SLC23A2: variants seen among roughly 807,000 people sequenced by gnomAD.
The protein encoded by SLC23A2 is Na(+)/L-ascorbic acid transporter 2.
A neutral mutation model predicts 73.3 loss-of-function variants in SLC23A2; 36 were observed. That is an observed-to-expected ratio of 0.49 (90% CI 0.38 to 0.65). The LOEUF (loss-of-function observed/expected upper bound fraction) is 0.65, where lower values mean the gene tolerates loss of function less well. SLC23A2 is among the 30% of genes least tolerant of loss of function. The pLI is 0.00. For missense variants in SLC23A2, 507 were observed against 841.6 expected, an observed-to-expected ratio of 0.60 and a Z score of 4.92; for synonymous variants, 343 against 327.3, an observed-to-expected ratio of 1.05 and a Z score of -0.52.
intron 1 of SLC23A2, chr20:5,010,143 G>A (rs1435535251): frequency 6.6e-6 from 1 of 151,822 alleles, no homozygotes; most frequent in Non-Finnish European, 1.5e-5. Flanking sequence ...TTTATTGCAG[G>A]AATTAGCTCA....
Position 4,902,683 on chromosome 20 carries a change from T to C in SLC23A2, c.208-125A>G. 1 of 561,698 alleles carries C rather than the reference T, an allele frequency of 1.8e-6. No individual in the cohort carries two copies. The highest frequency in any genetic ancestry group is 3.0e-5 in the East Asian group (1 of 32,964). The allele number at this position is 561,698 out of a possible 1,614,324, so 34.8% of individuals were successfully genotyped here. On this transcript the variant is annotated intron_variant, in intron 4 of 16. Transcript: ENST00000338244. The surrounding 1 kb of genome is among the most constrained non-coding windows in gnomAD (Gnocchi z 4.0). Reference sequence around the variant, plus strand: ...AGTGGTTGCCATCTTCCTGCAGTTTTGAGCCTTGGCTATCTTTGAAGCCAA... The same window carrying C: ...AGTGGTTGCCATCTTCCTGCAGTTTCGAGCCTTGGCTATCTTTGAAGCCAA...
chr20:4,870,635 C>T (rs1251072747), intron 11 of SLC23A2, among the ~76,000 whole-genome samples: 1 of 151,968 alleles, frequency 6.6e-6, no homozygotes, highest in African/African-American at 2.4e-5. Flanking sequence ...GCTGTAACTT[C>T]TCTTTCCTGC....
At chr20:4,858,046 C>G (rs1202843742) in intron 16 of SLC23A2, among the ~76,000 whole-genome samples, 1 of 152,162 alleles carries the variant, frequency 6.6e-6, no homozygotes. Context: ...GTTTGCAAAA[C>G]AGGGCTGAAT....
chr20:4,901,089 C>G (rs193141521), intron 5 of SLC23A2, among the ~76,000 whole-genome samples: 5 of 152,260 alleles, frequency 3.3e-5, no homozygotes, highest in Admixed American at 2.6e-4. Context: ...GATAAACATT[C>G]CAAAAAGTGT....
At chr20:4,958,853 T>C (rs2087334090) in intron 2 of SLC23A2, among the ~76,000 whole-genome samples, 1 of 152,066 alleles carries the variant, frequency 6.6e-6, no homozygotes, top group Non-Finnish European at 1.5e-5. Flanking sequence ...AGGGCAAAAA[T>C]CAATTACTTT....
At chr20:4,882,775 A>G (rs2122826846) in intron 9 of SLC23A2, among the ~76,000 whole-genome samples, 1 of 152,362 alleles carries the variant, frequency 6.6e-6, no homozygotes, top group African/African-American at 2.4e-5. Flanking sequence ...ATAGTAAAAG[A>G]TCAATAAATA....
intron 6 of SLC23A2, among the ~76,000 whole-genome samples, chr20:4,891,630 C>T (rs1017118513): frequency 6.6e-6 from 1 of 152,246 alleles, no homozygotes; most frequent in Non-Finnish European, 1.5e-5. Flanking sequence ...CTGTCCAGCC[C>T]TTGCTCGCTG....
At chr20:4,931,845 A>C (rs562629958) in intron 3 of SLC23A2, among the ~76,000 whole-genome samples, 1 of 152,238 alleles carries the variant, frequency 6.6e-6, no homozygotes. Flanking sequence ...TATTAAGAGG[A>C]AAACATCTTG....
chr20:4,971,769 A>G (rs1475163833), intron 1 of SLC23A2, among the ~76,000 whole-genome samples: 6 of 152,196 alleles, frequency 3.9e-5, no homozygotes. Flanking sequence ...CTTGGGCAAC[A>G]GAGCAACACG....
At chr20:4,987,360 C>T (rs931009518) in intron 1 of SLC23A2, among the ~76,000 whole-genome samples, 2 of 152,122 alleles carry the variant, frequency 1.3e-5, no homozygotes, top group Admixed American at 1.3e-4. Flanking sequence ...ACAGCCGGGG[C>T]TAAAACAGAA....
intron 1 of SLC23A2, among the ~76,000 whole-genome samples, chr20:4,997,787 C>A (rs1490409431): frequency 7.6e-6 from 1 of 131,060 alleles, no homozygotes; most frequent in South Asian, 2.4e-4. Context: ...CCACGTCCAG[C>A]GAATTTTTTA....
chr20:4,930,975 AT>A lies in SLC23A2; in HGVS notation c.108+1479del, dbSNP rs201545727. On this transcript the variant is annotated intron_variant, in intron 3 of 16. Coordinates refer to ENST00000338244, the MANE Select transcript of SLC23A2 (RefSeq NM_005116.6). ...CATAGGCAAGAGTGAGACTCAGTCT[AT>A]TTTTTTTTTTTTAAGAAAAGTTATT... Among the ~76,000 whole-genome samples the A allele has an allele frequency of 3.8e-3, 490 of 127,310 alleles. 2 individuals carry two copies. Among genetic ancestry groups the A allele is most frequent in the African/African-American group, 8.3e-3 (286 of 34,284 alleles). The allele number at this position is 127,310 out of a possible 152,430, so 83.5% of individuals were successfully genotyped here. A position where few individuals can be genotyped will look rare whatever the true frequency, so the allele number is the denominator to read the frequency against.
At chr20:4,860,432 T>C (rs1473169820) in intron 15 of SLC23A2, among the ~76,000 whole-genome samples, 1 of 152,202 alleles carries the variant, frequency 6.6e-6, no homozygotes, top group Non-Finnish European at 1.5e-5. Context: ...ATCTCACTGT[T>C]TAAAATGTCC....
chr20:4,956,329 A>G (rs1186122670), intron 2 of SLC23A2, among the ~76,000 whole-genome samples: 2 of 152,194 alleles, frequency 1.3e-5, no homozygotes, highest in Non-Finnish European at 2.9e-5. Context: ...GACAAAACCT[A>G]CTTTGACTCT....
At chr20:4,880,091 T>C (rs560407230) in intron 9 of SLC23A2, among the ~76,000 whole-genome samples, 4 of 152,314 alleles carry the variant, frequency 2.6e-5, no homozygotes, top group East Asian at 1.9e-4. Context: ...GATTTGTTTG[T>C]TTTTTAACAC....
intron 1 of SLC23A2, among the ~76,000 whole-genome samples, chr20:4,980,872 A>G (rs1490468796): frequency 3.9e-5 from 6 of 152,212 alleles, no homozygotes. Flanking sequence ...AGAATATTCA[A>G]TGAGTAAAAT....
chr20:4,976,391 C>T (rs1460290243), intron 1 of SLC23A2, among the ~76,000 whole-genome samples: 3 of 151,974 alleles, frequency 2.0e-5, no homozygotes, highest in African/African-American at 7.2e-5. Flanking sequence ...AAAGTCCCTC[C>T]CCGGCCGGGC....
chr20:4,930,724 C>T (rs970115872), intron 3 of SLC23A2, among the ~76,000 whole-genome samples: 2 of 151,934 alleles, frequency 1.3e-5, no homozygotes, highest in Non-Finnish European at 2.9e-5. Flanking sequence ...GAGGCTGAGG[C>T]GGGAGAATCG....
intron 2 of SLC23A2, among the ~76,000 whole-genome samples, chr20:4,934,304 G>A (rs1568631227): frequency 6.6e-6 from 1 of 152,170 alleles, no homozygotes; most frequent in Non-Finnish European, 1.5e-5. Context: ...TTAACATCTA[G>A]TAAATAGAGG....
Sources: gnomAD v4.1 joint callset for allele counts (sites outside exome capture counted in the v4.1 genomes callset) on GRCh38, gnomAD v4.1.1 for gene constraint, Gnocchi (gnomAD v3.1) non-coding constraint, MANE v1.5 for transcripts, NCBI Gene and HGNC (gene_info 2026-07-23, HGNC 2026-07-21) for gene names.